RAB10: variants seen among roughly 807,000 people sequenced by gnomAD.
The protein encoded by RAB10 is RAB10, member RAS oncogene family, also known as ras-related protein Rab-10.
Under a neutral mutation model 25.7 loss-of-function variants are expected in RAB10, and 5 were observed. The observed-to-expected ratio is 0.19, with a 90% CI of 0.10 to 0.41. RAB10 has a LOEUF of 0.41. Among genes scored for constraint, RAB10 ranks in the 10% least tolerant of loss-of-function variants. The probability of loss-of-function intolerance (pLI) is 1.00; values close to 1 mark genes in which losing one functional copy is unlikely to be tolerated. For missense variants in RAB10, 103 were observed against 245.8 expected (o/e 0.42, Z 3.89); for synonymous variants, 89 against 86.4 (o/e 1.03, Z -0.16).
At chr2:26,115,373 A>G (rs887547001) in intron 3 of RAB10, among the ~76,000 whole-genome samples, 3 of 152,194 alleles carry the variant, frequency 2.0e-5, no homozygotes, top group Non-Finnish European at 2.9e-5. Flanking sequence ...GGATAAATAA[A>G]ATGTGTATAT....
chr2:26,073,750 C>T (rs779572470), intron 1 of RAB10, among the ~76,000 whole-genome samples: 2 of 152,108 alleles, frequency 1.3e-5, no homozygotes, highest in Non-Finnish European at 2.9e-5. Context: ...GTCTGGTTGC[C>T]ATATTACACT....
intron 2 of RAB10, among the ~76,000 whole-genome samples, chr2:26,099,878 A>G (rs1667308009): frequency 6.6e-6 from 1 of 151,824 alleles, no homozygotes; most frequent in African/African-American, 2.4e-5. Flanking sequence ...ATTTTCATTT[A>G]TGTATTTCAA....
chr2:26,056,924 A>G (rs771371346), intron 1 of RAB10, among the ~76,000 whole-genome samples: 2 of 152,170 alleles, frequency 1.3e-5, no homozygotes, highest in Admixed American at 6.5e-5. Context: ...GCCTGGCCCT[A>G]AAAACTGTGT....
intron 1 of RAB10, among the ~76,000 whole-genome samples, chr2:26,054,584 A>G (rs773280521): frequency 6.6e-6 from 1 of 152,236 alleles, no homozygotes; most frequent in African/African-American, 2.4e-5. Flanking sequence ...CAAGAGTGCT[A>G]TGGAAGGTAA....
chr2:26,114,005 A>G (rs1667632840), intron 3 of RAB10, among the ~76,000 whole-genome samples: 2 of 152,192 alleles, frequency 1.3e-5, no homozygotes, highest in Non-Finnish European at 1.5e-5. Flanking sequence ...TCAAAAGGCA[A>G]AAAATACTTA....
At chr2:26,067,192 C>A (rs1269005308) in intron 1 of RAB10, among the ~76,000 whole-genome samples, 8 of 152,138 alleles carry the variant, frequency 5.3e-5, no homozygotes, top group African/African-American at 1.9e-4. Context: ...GCTAGGTTTA[C>A]AAGTGTGGAC....
In RAB10 at chr2:26,085,312, A is replaced by G. The variant is rs1666952872; in HGVS notation, c.128-13350A>G. On this transcript the variant is annotated intron_variant, in intron 1 of 5. Coordinates refer to ENST00000264710, the MANE Select transcript of RAB10 (RefSeq NM_016131.5). ...GAGACCAGCCTGACCAACATGGTAAAACCTCATCTCTACTAAAAATAAAAA... is the reference window on the plus strand; with the variant it reads ...GAGACCAGCCTGACCAACATGGTAAGACCTCATCTCTACTAAAAATAAAAA... Among the ~76,000 whole-genome samples the G allele has an allele frequency of 2.6e-5, 4 of 151,580 alleles. No individual in the cohort carries two copies. The South Asian group carries it at 8.4e-4, about 32-fold the overall frequency.
chr2:26,111,606 CAAAA>C (rs11347877), intron 3 of RAB10, among the ~76,000 whole-genome samples: 1 of 139,684 alleles, frequency 7.2e-6, no homozygotes. Flanking sequence ...AACTCCATCT[CAAAA>C]AAAAAAAAAA....
intron 3 of RAB10, among the ~76,000 whole-genome samples, chr2:26,115,331 GA>G (rs1667661346): frequency 6.6e-6 from 1 of 150,660 alleles, no homozygotes; most frequent in Non-Finnish European, 1.5e-5. Flanking sequence ...AAAAAAACCA[GA>G]AACAACCCAA....
chr2:26,072,772 G>A (rs1666655296), intron 1 of RAB10, among the ~76,000 whole-genome samples: 2 of 152,144 alleles, frequency 1.3e-5, no homozygotes, highest in African/African-American at 4.8e-5. Flanking sequence ...TATCTATTAA[G>A]CTAAACATTA....
chr2:26,121,510 C>A (rs1214827870), intron 3 of RAB10, among the ~76,000 whole-genome samples: 1 of 152,044 alleles, frequency 6.6e-6, no homozygotes, highest in Admixed American at 6.5e-5. Context: ...AAAAACAAAT[C>A]TTTTGGAAAA....
In RAB10 at chr2:26,098,730, A is replaced by G; in HGVS notation, c.188+8A>G. ...GATCAAGCTACAGATATGGTAAGTG[A>G]TGCTAATTTACTTTATGTAGCAGAA... On this transcript the variant is annotated splice_region_variant and intron_variant, in intron 2 of 5. Transcript: ENST00000264710. The G allele has an allele frequency of 1.3e-6, 2 of 1,570,646 alleles. No homozygotes were observed. Among genetic ancestry groups the G allele is most frequent in the Non-Finnish European group, 1.7e-6 (2 of 1,145,134 alleles).
In RAB10 at chr2:26,137,113, T is replaced by C. The variant is rs780326083; in HGVS notation, c.*2092T>C. 2.0e-5 allele frequency: 3 copies of C among 152,684 alleles called. No individual in the cohort carries two copies. The highest frequency in any genetic ancestry group is 4.4e-5 in the Non-Finnish European group (3 of 68,046). 9.5% of individuals were successfully genotyped at this position (152,684 alleles called of 1,614,324 possible). ...GATTTTTGGATAACAGACTGACAGT[T>C]TTGCATAATTATAATCGGCATTGTA... On this transcript the variant is annotated 3_prime_UTR_variant, in exon 6 of 6. Coordinates refer to ENST00000264710, the MANE Select transcript of RAB10 (RefSeq NM_016131.5).
chr2:26,051,931 C>T (rs1666144440), intron 1 of RAB10, among the ~76,000 whole-genome samples: 1 of 151,660 alleles, frequency 6.6e-6, no homozygotes, highest in Admixed American at 6.6e-5. Flanking sequence ...GTGGCACGCA[C>T]CTGTAATCCC....
intron 1 of RAB10, among the ~76,000 whole-genome samples, chr2:26,044,050 G>C (rs1212202304): frequency 6.6e-6 from 1 of 152,162 alleles, no homozygotes; most frequent in Admixed American, 6.6e-5. Context: ...TTTGCAGAAT[G>C]AAAAGGCTCT....
At chr2:26,087,695 C>T (rs1190838484) in intron 1 of RAB10, among the ~76,000 whole-genome samples, 1 of 152,202 alleles carries the variant, frequency 6.6e-6, no homozygotes, top group African/African-American at 2.4e-5. Context: ...AGCCACCACG[C>T]CCAGCCTTTC....
chr2:26,128,038 GA>G, intron 5 of RAB10, 87 bp downstream of exon 5: 1 of 1,188,238 alleles, frequency 8.4e-7, no homozygotes, highest in Non-Finnish European at 1.2e-6. Context: ...TTTACATACA[GA>G]ATTTGAGTTT....
At chr2:26,077,936 G>A (rs1427823863) in intron 1 of RAB10, among the ~76,000 whole-genome samples, 2 of 151,980 alleles carry the variant, frequency 1.3e-5, no homozygotes, top group East Asian at 1.9e-4. Context: ...CCAAGATCGC[G>A]CCACTGCACT....
At chr2:26,112,313 C>T (rs531640157) in intron 3 of RAB10, among the ~76,000 whole-genome samples, 15 of 152,248 alleles carry the variant, frequency 9.9e-5, no homozygotes, top group Non-Finnish European at 1.9e-4. Context: ...ACTGAAATTT[C>T]CAATCCTCTT....
Sources: gnomAD v4.1 joint callset for allele counts (sites outside exome capture counted in the v4.1 genomes callset) on GRCh38, gnomAD v4.1.1 for gene constraint, MANE v1.5 for transcripts, NCBI Gene and HGNC (gene_info 2026-07-23, HGNC 2026-07-21) for gene names.